The following RPS6KC1 variants were observed in gnomAD, a reference collection of about 807,000 sequenced individuals.
The protein encoded by RPS6KC1 is ribosomal protein S6 kinase C1.
A neutral mutation model predicts 103.8 loss-of-function variants in RPS6KC1; 54 were observed. The observed-to-expected ratio is 0.52, with a 90% CI of 0.42 to 0.65. The LOEUF is 0.65. Ranked by LOEUF, RPS6KC1 falls within the 30% of genes least tolerant of loss-of-function variation. RPS6KC1 has a pLI of 0.00. For synonymous variants in RPS6KC1, 439 were observed against 438.7 expected, an observed-to-expected ratio of 1.00 and a Z score of -0.01; for missense variants, 1,151 against 1,253.8, an observed-to-expected ratio of 0.92 and a Z score of 1.24.
intron 12 of RPS6KC1, among the ~76,000 whole-genome samples, chr1:213,261,223 G>A (rs2094788032): frequency 6.6e-6 from 1 of 151,940 alleles, no homozygotes; most frequent in Non-Finnish European, 1.5e-5. Flanking sequence ...TCACCCATGA[G>A]GTAGAATTGG....
chr1:213,251,315 G>C (rs1573606190), intron 12 of RPS6KC1, among the ~76,000 whole-genome samples: 1 of 152,202 alleles, frequency 6.6e-6, no homozygotes, highest in East Asian at 1.9e-4. Flanking sequence ...TGCCATGTTG[G>C]CCAGGCTGGT....
At chr1:213,251,381 C>T (rs1176706984) in intron 12 of RPS6KC1, among the ~76,000 whole-genome samples, 1 of 152,188 alleles carries the variant, frequency 6.6e-6, no homozygotes, top group African/African-American at 2.4e-5. Flanking sequence ...GCTGGGATTA[C>T]AGGCGTGAGC....
intron 2 of RPS6KC1, 93 bp from the exon 3 acceptor site, chr1:213,077,603 C>A: frequency 1.4e-6 from 1 of 727,950 alleles, no homozygotes; most frequent in Non-Finnish European, 2.1e-6. Context: ...CTTTGCATGA[C>A]AATTTTGAAC....
At chr1:213,822,566 A>G in the RPS6KC1 span, 1 of 152,310 alleles carries the variant, frequency 6.6e-6, no homozygotes, top group South Asian at 2.1e-4. Flanking sequence ...AGACACCGCC[A>G]CTCAGATGTC....
intron 12 of RPS6KC1, among the ~76,000 whole-genome samples, chr1:213,253,810 C>G (rs1324284523): frequency 1.3e-5 from 2 of 152,136 alleles, no homozygotes; most frequent in Non-Finnish European, 2.9e-5. Context: ...GCTATATAGA[C>G]ATCTTATGGT....
intron 5 of RPS6KC1, among the ~76,000 whole-genome samples, chr1:213,126,388 CT>C (rs1219930097): frequency 2.0e-5 from 3 of 151,788 alleles, no homozygotes; most frequent in African/African-American, 7.3e-5. Context: ...AAATCTGTTG[CT>C]TTTTGGGAAT....
the RPS6KC1 span, among the ~76,000 whole-genome samples, chr1:213,437,455 G>C: frequency 4.0e-5 from 6 of 151,842 alleles, no homozygotes; most frequent in Non-Finnish European, 8.8e-5. Flanking sequence ...ATAACCGCTT[G>C]TTTTTTTACT....
intron 4 of RPS6KC1, among the ~76,000 whole-genome samples, chr1:213,109,932 C>A (rs1200524741): frequency 6.6e-6 from 1 of 151,536 alleles, no homozygotes; most frequent in Non-Finnish European, 1.5e-5. Flanking sequence ...GTAGTTCATT[C>A]CTTATTATGG....
At chr1:213,516,324 G>C in the RPS6KC1 span, among the ~76,000 whole-genome samples, 3 of 150,598 alleles carry the variant, frequency 2.0e-5, no homozygotes, top group African/African-American at 7.4e-5. Context: ...CAAAGGGAAT[G>C]CTTCCAGTTT....
chr1:213,856,184 G>A, the RPS6KC1 span, among the ~76,000 whole-genome samples: 11 of 152,174 alleles, frequency 7.2e-5, no homozygotes, highest in Non-Finnish European at 1.6e-4. Flanking sequence ...CACACACACA[G>A]TGGAGGATAT....
At chr1:213,757,720 G>A in the RPS6KC1 span, among the ~76,000 whole-genome samples, 3 of 152,192 alleles carry the variant, frequency 2.0e-5, no homozygotes, top group Non-Finnish European at 4.4e-5. Flanking sequence ...CCTTCTATTG[G>A]AAGAAGATGA....
At chr1:213,416,625 C>A in the RPS6KC1 span, among the ~76,000 whole-genome samples, 2,411 of 152,306 alleles carry the variant, frequency 0.016, 75 homozygotes, top group African/African-American at 0.055. Context: ...ATGCAAGCCT[C>A]CCCTGTCACA....
the RPS6KC1 span, among the ~76,000 whole-genome samples, chr1:213,495,922 C>A: frequency 6.6e-6 from 1 of 151,438 alleles, no homozygotes; most frequent in Non-Finnish European, 1.5e-5. Flanking sequence ...GATAATATAA[C>A]CAAATACCAA....
the RPS6KC1 span, among the ~76,000 whole-genome samples, chr1:213,390,259 C>A: frequency 1.3e-5 from 2 of 152,108 alleles, no homozygotes; most frequent in African/African-American, 4.8e-5. Flanking sequence ...AGTTGGATGG[C>A]GAGGGTTTTT....
At chr1:213,312,244 C>T in the RPS6KC1 span, among the ~76,000 whole-genome samples, 5 of 139,250 alleles carry the variant, frequency 3.6e-5, no homozygotes, top group African/African-American at 1.2e-4. Flanking sequence ...GGGGCACCTC[C>T]CAGTGCAGGG....
chr1:213,668,343 G>A, the RPS6KC1 span, among the ~76,000 whole-genome samples: 3 of 151,948 alleles, frequency 2.0e-5, no homozygotes, highest in East Asian at 1.9e-4. Context: ...TCAGCTTTCC[G>A]GTGACAAGGT....
chr1:213,615,625 CA>C, the RPS6KC1 span, among the ~76,000 whole-genome samples: 1 of 152,244 alleles, frequency 6.6e-6, no homozygotes, highest in Non-Finnish European at 1.5e-5. Context: ...ACTTGGCCCC[CA>C]GGCAGCCCTC....
At chr1:213,269,984 C>G (rs1434437702) in intron 14 of RPS6KC1, among the ~76,000 whole-genome samples, 1 of 151,758 alleles carries the variant, frequency 6.6e-6, no homozygotes, top group African/African-American at 2.4e-5. Flanking sequence ...AGATAGAAAA[C>G]AGAAGAATAA....
the RPS6KC1 span, among the ~76,000 whole-genome samples, chr1:213,518,403 A>T: frequency 1.1e-4 from 16 of 152,220 alleles, no homozygotes; most frequent in Non-Finnish European, 1.6e-4. Flanking sequence ...GCATGTGAAG[A>T]TGGATGCAGA....
Sources: gnomAD v4.1 joint callset for allele counts (sites outside exome capture counted in the v4.1 genomes callset) on GRCh38, gnomAD v4.1.1 for gene constraint, MANE v1.5 for transcripts, NCBI Gene and HGNC (gene_info 2026-07-23, HGNC 2026-07-21) for gene names.